FTO: variants seen among roughly 807,000 people sequenced by gnomAD.
The protein encoded by FTO is alpha-ketoglutarate-dependent dioxygenase FTO.
Under a neutral mutation model 63.9 loss-of-function variants are expected in FTO, and 47 were observed. The ratio of observed to expected loss-of-function variants is 0.74; its 90% CI spans 0.58 to 0.94. The LOEUF (loss-of-function observed/expected upper bound fraction) is 0.94, where lower values mean the gene tolerates loss of function less well. Among genes scored for constraint, FTO ranks in the 40% least tolerant of loss-of-function variants. The pLI is 0.00. For synonymous variants in FTO, 207 were observed against 224.4 expected, an observed-to-expected ratio of 0.92 and a Z score of 0.69; for missense variants, 562 against 618.1, an observed-to-expected ratio of 0.91 and a Z score of 0.96.
chr16:53,721,859 T>C (rs2076049243), intron 1 of FTO, among the ~76,000 whole-genome samples: 1 of 152,176 alleles, frequency 6.6e-6, no homozygotes, highest in South Asian at 2.1e-4. Context: ...ACCATTCATT[T>C]CAATCGGAAA....
At chr16:53,762,151 G>T (rs771599623) in intron 1 of FTO, among the ~76,000 whole-genome samples, 57 of 152,180 alleles carry the variant, frequency 3.7e-4, no homozygotes, top group Non-Finnish European at 6.6e-4. Flanking sequence ...GTTTTCTGTA[G>T]ATAGCCTGTT....
At chr16:53,974,369 C>T (rs533271676) in intron 8 of FTO, among the ~76,000 whole-genome samples, 2 of 152,132 alleles carry the variant, frequency 1.3e-5, no homozygotes, top group Admixed American at 6.5e-5. Context: ...GAATTATTTC[C>T]GTTTTTAGAA....
At position 53,825,914 on chromosome 16, in the gene FTO, T is replaced by C. The variant is rs146056278; in HGVS notation, c.174T>C (p.Ser58=). ...KLILREASSV[S]EELHKEVQEA... is the part of the protein sequence containing the mutation. ...TTCTCCGAGAAGCCAGCAGTGTATC[T>C]GAGGAGCTCCATAAAGAGGTTCAAG... Residue 58 remains serine, a synonymous_variant, in exon 3 of 9, where the codon TCT becomes TCC. Transcript: ENST00000471389. 6 of 1,614,078 alleles carry C rather than the reference T, an allele frequency of 3.7e-6. No individual in the cohort carries two copies. The highest frequency in any genetic ancestry group is 5.1e-6 in the Non-Finnish European group (6 of 1,180,046).
At chr16:54,032,658 A>C (rs1433465265) in intron 8 of FTO, among the ~76,000 whole-genome samples, 3 of 145,390 alleles carry the variant, frequency 2.1e-5, no homozygotes, top group Non-Finnish European at 4.4e-5. Flanking sequence ...CTTGTAGTTA[A>C]AGGCTTGCTT....
chr16:53,937,523 G>T (rs1010366538), intron 8 of FTO: 1 of 360,038 alleles, frequency 2.8e-6, no homozygotes, highest in Admixed American at 4.7e-5. Context: ...CAAGGACCGG[G>T]TGTCCCAGGA....
At chr16:53,821,536 T>G (rs1406156504) in intron 2 of FTO, among the ~76,000 whole-genome samples, 1 of 152,232 alleles carries the variant, frequency 6.6e-6, no homozygotes, top group Non-Finnish European at 1.5e-5. Context: ...AACTAAAATA[T>G]GGAAACTCAA....
chr16:53,765,933 G>A lies in FTO; in HGVS notation c.46-44207G>A, dbSNP rs151213710. Among the ~76,000 whole-genome samples the A allele has an allele frequency of 1.5e-3, 223 of 152,238 alleles. 1 individual carries two copies. The highest frequency in any genetic ancestry group is 5.0e-3 in the African/African-American group (207 of 41,546). On this transcript the variant is annotated intron_variant, in intron 1 of 8. Transcript: ENST00000471389. The stretch of plus-strand genomic sequence containing the variant: ...ACTGGAGTGTTTTAAGGTAGGGAGC[G>A]TGTGTGTGGAGTGACTTACTCTGAT...
chr16:53,860,022 A>T (rs2080124819), intron 4 of FTO, among the ~76,000 whole-genome samples: 1 of 152,252 alleles, frequency 6.6e-6, no homozygotes, highest in South Asian at 2.1e-4. Context: ...AAAAGCCATG[A>T]TTTAGAAACA....
At chr16:53,835,885 C>T (rs2079274610) in intron 3 of FTO, among the ~76,000 whole-genome samples, 1 of 136,308 alleles carries the variant, frequency 7.3e-6, no homozygotes, top group Admixed American at 8.4e-5. Context: ...TCCAACCTGT[C>T]TATTGATTTT....
rs539623634 is a variant in FTO at position 53,778,240 on chromosome 16, A to G, written c.46-31900A>G. ...AGTTAATAATAATGTATATTTCAAA[A>G]TTGCTAAAATGGTAGATTTTAAATG... On this transcript the variant is annotated intron_variant, in intron 1 of 8. Coordinates refer to ENST00000471389, the MANE Select transcript of FTO (RefSeq NM_001080432.3). 1.2e-3 allele frequency among the ~76,000 whole-genome samples: 181 copies of G among 152,334 alleles called. 5 individuals carry two copies. The South Asian group carries it at 0.023, about 19-fold the overall frequency.
At chr16:53,923,680 T>A (rs1448220657) in intron 7 of FTO, among the ~76,000 whole-genome samples, 4 of 149,960 alleles carry the variant, frequency 2.7e-5, no homozygotes, top group Non-Finnish European at 5.9e-5. Context: ...TCTTTCTTTC[T>A]ATTTTTTTTT....
intron 2 of FTO, among the ~76,000 whole-genome samples, chr16:53,819,017 A>G (rs2078775564): frequency 6.6e-6 from 1 of 152,194 alleles, no homozygotes; most frequent in Non-Finnish European, 1.5e-5. Context: ...GGCCTTAAGC[A>G]ACATTGTAAT....
At chr16:53,972,346 C>A (rs1216143687) in intron 8 of FTO, among the ~76,000 whole-genome samples, 1 of 151,962 alleles carries the variant, frequency 6.6e-6, no homozygotes, top group East Asian at 1.9e-4. Context: ...AAATACTTGT[C>A]CAATATCATC....
chr16:54,052,721 A>C (rs2085340796), intron 8 of FTO: 1 of 134,978 alleles, frequency 7.4e-6, no homozygotes, highest in Admixed American at 6.8e-5. Flanking sequence ...TGAGAACTTG[A>C]CTTTTTTTTT....
At chr16:53,773,527 A>G (rs926820764) in intron 1 of FTO, among the ~76,000 whole-genome samples, 1 of 152,122 alleles carries the variant, frequency 6.6e-6, no homozygotes, top group Non-Finnish European at 1.5e-5. Flanking sequence ...CCTGTTAACT[A>G]TGCTTATTTG....
chr16:53,948,885 A>G lies in FTO; in HGVS notation c.1364+14776A>G, dbSNP rs559078034. 7.9e-5 allele frequency among the ~76,000 whole-genome samples: 12 copies of G among 152,284 alleles called. No individual in the cohort carries two copies. In the South Asian group the frequency reaches 2.5e-3, roughly 32 times the overall value. ...ACCCTGGCTGGGAGACCAGTACACA[A>G]TCTGTGTATTGCCTCTGTGACCTTG... On this transcript the variant is annotated intron_variant, in intron 8 of 8. Transcript: ENST00000471389.
At chr16:53,781,694 C>G (rs985932168) in intron 1 of FTO, among the ~76,000 whole-genome samples, 7 of 152,206 alleles carry the variant, frequency 4.6e-5, no homozygotes, top group African/African-American at 7.2e-5. Flanking sequence ...TTGGCTCCTT[C>G]AGCCTCTAAA....
At chr16:54,021,624 G>A (rs1303334995) in intron 8 of FTO, among the ~76,000 whole-genome samples, 1 of 152,058 alleles carries the variant, frequency 6.6e-6, no homozygotes, top group Non-Finnish European at 1.5e-5. Flanking sequence ...TGAGTAGCTG[G>A]GACTACAGGA....
intron 1 of FTO, among the ~76,000 whole-genome samples, chr16:53,773,909 G>A (rs1009732727): frequency 2.0e-5 from 3 of 152,238 alleles, no homozygotes; most frequent in East Asian, 3.9e-4. Context: ...TGTTGGAAGC[G>A]TGTCATAGGA....
Sources: allele counts gnomAD v4.1 joint callset (sites outside exome capture counted in the v4.1 genomes callset), GRCh38; gene constraint gnomAD v4.1.1; transcripts MANE v1.5; gene names NCBI Gene and HGNC (gene_info 2026-07-23, HGNC 2026-07-21).